The following PTPRD variants were observed in gnomAD, a reference collection of about 807,000 sequenced individuals.
PTPRD encodes receptor-type tyrosine-protein phosphatase delta.
In PTPRD, 34 loss-of-function variants were observed where a neutral mutation model predicts 214.5. The ratio of observed to expected loss-of-function variants is 0.16; its 90% CI spans 0.12 to 0.21. PTPRD has a LOEUF of 0.21. PTPRD is among the 10% of genes least tolerant of loss of function. The pLI is 1.00. For synonymous variants in PTPRD, 1,128 were observed against 845.7 expected (o/e 1.33, Z -5.79); for missense variants, 2,545 against 2,398.7 (o/e 1.06, Z -1.27).
chr9:9,288,443 C>A (rs991072436), intron 9 of PTPRD, among the ~76,000 whole-genome samples: 1 of 151,730 alleles, frequency 6.6e-6, no homozygotes, highest in Non-Finnish European at 1.5e-5. Flanking sequence ...TTAAAAAACA[C>A]GTAAAGATCA....
intron 11 of PTPRD, among the ~76,000 whole-genome samples, chr9:8,952,642 G>T (rs1167841156): frequency 6.6e-6 from 1 of 151,800 alleles, no homozygotes; most frequent in Non-Finnish European, 1.5e-5. Context: ...TCAACAGGTT[G>T]TAGGTAACCA....
chr9:8,823,559 G>A (rs1408475558), intron 11 of PTPRD, among the ~76,000 whole-genome samples: 3 of 152,086 alleles, frequency 2.0e-5, no homozygotes, highest in African/African-American at 7.2e-5. Context: ...GCTAAGGCGG[G>A]AAGATCACCT....
At chr9:9,181,738 T>A (rs956078707) in intron 10 of PTPRD, among the ~76,000 whole-genome samples, 1 of 152,040 alleles carries the variant, frequency 6.6e-6, no homozygotes, top group Admixed American at 6.6e-5. Context: ...CTCCTTATAA[T>A]AGAATTGGTC....
At chr9:8,713,623 G>A (rs1597725513) in intron 12 of PTPRD, 4 of 1,534,678 alleles carry the variant, frequency 2.6e-6, no homozygotes, top group Middle Eastern at 2.3e-4. Context: ...CACCGCGGGC[G>A]CTGTCACCCA....
chr9:9,940,091 G>T (rs982168711), intron 4 of PTPRD, among the ~76,000 whole-genome samples: 4 of 152,152 alleles, frequency 2.6e-5, no homozygotes, highest in African/African-American at 9.7e-5. Context: ...TGTATGTGGG[G>T]AAACCACAAG....
chr9:9,824,463 A>C (rs956790687), intron 5 of PTPRD, among the ~76,000 whole-genome samples: 2 of 152,026 alleles, frequency 1.3e-5, no homozygotes, highest in Non-Finnish European at 2.9e-5. Context: ...TGTGTGCTTT[A>C]TTACATGAAT....
intron 8 of PTPRD, among the ~76,000 whole-genome samples, chr9:9,448,332 G>A (rs983177739): frequency 4.6e-5 from 7 of 151,974 alleles, no homozygotes; most frequent in East Asian, 1.9e-4. Flanking sequence ...CTCACGTGTC[G>A]AGGGTGAGAG....
chr9:9,143,552 T>A (rs1282120798), intron 10 of PTPRD, among the ~76,000 whole-genome samples: 2 of 152,222 alleles, frequency 1.3e-5, no homozygotes, highest in Non-Finnish European at 2.9e-5. Context: ...ATGTTAATCA[T>A]AGTAATTTTT....
intron 14 of PTPRD, among the ~76,000 whole-genome samples, chr9:8,607,899 T>C (rs994267952): frequency 2.0e-5 from 3 of 152,192 alleles, no homozygotes; most frequent in African/African-American, 7.2e-5. Flanking sequence ...TGGTGGACTT[T>C]ATAGGAAACA....
intron 11 of PTPRD, among the ~76,000 whole-genome samples, chr9:8,925,858 A>ATATT (rs373723463): frequency 5.0e-5 from 6 of 120,166 alleles, no homozygotes; most frequent in South Asian, 2.9e-4. Flanking sequence ...CTATTGCAAT[A>ATATT]TTTTTTTTTT....
At chr9:10,531,434 C>T (rs544156433) in intron 2 of PTPRD, among the ~76,000 whole-genome samples, 1 of 152,104 alleles carries the variant, frequency 6.6e-6, no homozygotes, top group African/African-American at 2.4e-5. Flanking sequence ...TCAAAGACAG[C>T]ATCACTGACA....
chr9:9,649,265 C>A (rs1213646974), intron 7 of PTPRD, among the ~76,000 whole-genome samples: 1 of 152,106 alleles, frequency 6.6e-6, no homozygotes, highest in Non-Finnish European at 1.5e-5. Flanking sequence ...CACTGTATTG[C>A]CAAAACTGCC....
intron 7 of PTPRD, among the ~76,000 whole-genome samples, chr9:9,679,703 A>T (rs1564502199): frequency 6.6e-6 from 1 of 151,912 alleles, no homozygotes; most frequent in East Asian, 1.9e-4. Flanking sequence ...TAACAGAGTC[A>T]AATTTTAAAA....
intron 9 of PTPRD, among the ~76,000 whole-genome samples, chr9:9,296,608 T>G (rs1953150877): frequency 6.6e-6 from 1 of 151,700 alleles, no homozygotes; most frequent in Non-Finnish European, 1.5e-5. Context: ...TTCAGATTGA[T>G]GTTATAGATC....
intron 5 of PTPRD, among the ~76,000 whole-genome samples, chr9:9,909,093 C>T (rs1436469300): frequency 6.6e-6 from 1 of 151,732 alleles, no homozygotes; most frequent in African/African-American, 2.4e-5. Context: ...AACTACTGAG[C>T]TCAGAATTTC....
chr9:8,323,137 C>T (rs1830104256), intron 44 of PTPRD, among the ~76,000 whole-genome samples: 1 of 152,136 alleles, frequency 6.6e-6, no homozygotes, highest in South Asian at 2.1e-4. Flanking sequence ...CCGTTTATAG[C>T]ATGGTTGACT....
chr9:8,460,408 T>C lies in PTPRD; in HGVS notation c.3875+3A>G, dbSNP rs905194848. 3.1e-6 allele frequency: 5 copies of C among 1,610,656 alleles called. No homozygotes were observed. In the African/African-American group the frequency reaches 6.7e-5, roughly 22 times the overall value. On this transcript the variant is annotated splice_donor_region_variant and intron_variant, in intron 33 of 45. Transcript: ENST00000381196. ...TTACAACAGAAATATTGGGCAAACC[T>C]ACCTTTTATAAAGAAGAATAGCAAT...
intron 14 of PTPRD, among the ~76,000 whole-genome samples, chr9:8,541,954 A>C (rs1385376811): frequency 1.3e-5 from 2 of 152,266 alleles, no homozygotes; most frequent in East Asian, 3.9e-4. Flanking sequence ...TAAAACTGCC[A>C]AACAATGGCC....
intron 12 of PTPRD, among the ~76,000 whole-genome samples, chr9:8,671,678 G>A (rs959680982): frequency 2.6e-5 from 4 of 152,160 alleles, no homozygotes; most frequent in African/African-American, 7.2e-5. Context: ...ATTTAAAGAG[G>A]CATAGACCTA....
Sources: gnomAD v4.1 joint callset for allele counts (sites outside exome capture counted in the v4.1 genomes callset) on GRCh38, gnomAD v4.1.1 for gene constraint, MANE v1.5 for transcripts, NCBI Gene and HGNC (gene_info 2026-07-23, HGNC 2026-07-21) for gene names.